Variants in SEPHS1 observed in about 807,000 individuals in gnomAD.
The protein encoded by SEPHS1 is zincore component SEPHS1.
SEPHS1 carries 7 observed loss-of-function variants against 39.2 expected under a neutral mutation model. The observed-to-expected ratio is 0.18, with a 90% confidence interval of 0.10 to 0.34. SEPHS1 has a LOEUF of 0.34. SEPHS1 is among the 10% of genes least tolerant of loss of function. The pLI is 1.00. For synonymous variants in SEPHS1, 190 were observed against 195.5 expected, an observed-to-expected ratio of 0.97 and a Z score of 0.23; for missense variants, 253 against 514.5, an observed-to-expected ratio of 0.49 and a Z score of 4.92.
intron 2 of SEPHS1, among the ~76,000 whole-genome samples, chr10:13,342,890 C>T (rs1392720220): frequency 6.6e-6 from 1 of 152,094 alleles, no homozygotes; most frequent in African/African-American, 2.4e-5. Flanking sequence ...TGTACACCAG[C>T]AAGCCCAGGT....
In SEPHS1 at chr10:13,328,350, C is replaced by A; in HGVS notation, c.751+1G>T. ...CGAAGCGCCCTTCCCACCTGTCATA[C>A]CTGTCCTGTTGAGCCTCGCCATGTT... is the stretch of plus-strand genomic sequence containing the variant. On this transcript the variant is annotated splice_donor_variant, in intron 7 of 8. Transcript: ENST00000327347. LOFTEE classifies it high-confidence loss of function. The A allele has an allele frequency of 6.2e-7, 1 of 1,606,724 alleles. No homozygotes were observed. The highest frequency in any genetic ancestry group is 8.5e-7 in the Non-Finnish European group (1 of 1,173,494).
At chr10:13,342,517 C>T (rs929375654) in intron 2 of SEPHS1, among the ~76,000 whole-genome samples, 1 of 151,912 alleles carries the variant, frequency 6.6e-6, no homozygotes, top group Admixed American at 6.6e-5. Flanking sequence ...ACCTGGGAAG[C>T]GGAGGTTGCA....
chr10:13,329,688 G>T lies in SEPHS1; in HGVS notation c.651+10C>A, dbSNP rs1449652172. ...TCCCCTCCCTCCCATCACAGCAGTG[G>T]TTTACTCACGATATCCAGCCACTGG... On this transcript the variant is annotated intron_variant, in intron 6 of 8. Transcript: ENST00000327347. 1 of 1,591,500 alleles carries T rather than the reference G, an allele frequency of 6.3e-7. No homozygotes were observed. The highest frequency in any genetic ancestry group is 1.8e-5 in the Admixed American group (1 of 56,564).
rs749026563 is a variant in SEPHS1, at chr10:13,323,051, GGA to G, written c.752-6_752-5del. The G allele has an allele frequency of 4.3e-6, 7 of 1,613,382 alleles. No individual in the cohort carries two copies. The highest frequency in any genetic ancestry group is 2.2e-5 in the East Asian group (1 of 44,854). ...AACGTGTGCATGAGTCCTGCAGCTG[GGA>G]GAGAGAGGGGGCGGCTCTGAGAAAA... is the stretch of plus-strand genomic sequence containing the variant. On this transcript the variant is annotated splice_polypyrimidine_tract_variant and splice_region_variant and intron_variant, in intron 7 of 8. Transcript: ENST00000327347.
intron 4 of SEPHS1, among the ~76,000 whole-genome samples, chr10:13,335,980 C>CAAAA (rs1266329760): frequency 3.2e-5 from 3 of 93,450 alleles, no homozygotes; most frequent in Non-Finnish European, 4.1e-5. Context: ...ACTCCTGTCT[C>CAAAA]AAAAAAAAAA....
intron 7 of SEPHS1, among the ~76,000 whole-genome samples, chr10:13,326,420 G>A (rs187513706): frequency 1.3e-5 from 2 of 149,918 alleles, no homozygotes; most frequent in Middle Eastern, 3.5e-3. Flanking sequence ...GTTGCGGTGA[G>A]CCAAGATCCT....
At chr10:13,323,813 C>T (rs2131689273) in intron 7 of SEPHS1, among the ~76,000 whole-genome samples, 1 of 151,190 alleles carries the variant, frequency 6.6e-6, no homozygotes, top group East Asian at 1.9e-4. Context: ...ATGATCATAA[C>T]TCACTGCACT....
chr10:13,341,098 A>G (rs1005715198), intron 2 of SEPHS1, among the ~76,000 whole-genome samples: 1 of 152,248 alleles, frequency 6.6e-6, no homozygotes, highest in African/African-American at 2.4e-5. Context: ...TTTGAAAATT[A>G]CGCATGTGGC....
At position 13,317,642 on chromosome 10, in the gene SEPHS1, C is replaced by G. The variant is rs1408622458; in HGVS notation, c.*1500G>C. On this transcript the variant is annotated 3_prime_UTR_variant, in exon 9 of 9. Transcript: ENST00000327347. ...CACTGGTTCCTGGAGGAGGGCGCGT[C>G]CGAGTTAAAGCCTCTTCCAGGAGCT... 2 of 152,198 alleles carry G rather than the reference C, an allele frequency of 1.3e-5. No individual in the cohort carries two copies. Among genetic ancestry groups the G allele is most frequent in the Non-Finnish European group, 2.9e-5 (2 of 68,048 alleles). The allele number at this position is 152,198 out of a possible 1,614,324, so 9.4% of individuals were successfully genotyped here. A position where few individuals can be genotyped will look rare whatever the true frequency, so the allele number is the denominator to read the frequency against.
intron 7 of SEPHS1, among the ~76,000 whole-genome samples, chr10:13,327,574 G>A (rs898345362): frequency 5.3e-5 from 8 of 152,178 alleles, no homozygotes; most frequent in Admixed American, 5.2e-4. Context: ...TAAAATAAAT[G>A]GGAAGAGAAG....
intron 1 of SEPHS1, among the ~76,000 whole-genome samples, chr10:13,346,584 G>C (rs1004621): frequency 0.035 from 5,346 of 152,178 alleles, 137 homozygotes; most frequent in East Asian, 0.082. Flanking sequence ...GACAAGAGAC[G>C]AGAATTTTGA....
In SEPHS1 at chr10:13,328,444, T is replaced by G; in HGVS notation, c.658A>C (p.Lys220Gln). Residue 220 changes from lysine (K) to glutamine (Q), a missense_variant, in exon 7 of 9, where the codon AAA becomes CAA. Lys to Gln is a moderately conservative substitution (Grantham distance 53). Transcript: ENST00000327347. ...ACCACTAGTTTAATCTTATTCCATT[T>G]CTCAGGCTGATAATAGAAATGTAGG... Reference protein sequence around the residue: ...AVHQWLDIPEKWNKIKLVVTQ... With the variant: ...AVHQWLDIPEQWNKIKLVVTQ... The G allele has an allele frequency of 6.2e-7, 1 of 1,605,982 alleles. No homozygotes were observed. Among genetic ancestry groups the G allele is most frequent in the Non-Finnish European group, 8.5e-7 (1 of 1,173,160 alleles).
chr10:13,327,368 A>G (rs764733053), intron 7 of SEPHS1, among the ~76,000 whole-genome samples: 30 of 152,248 alleles, frequency 2.0e-4, no homozygotes, highest in South Asian at 4.1e-4. Context: ...GAAAACTTAT[A>G]CTAACCACTA....
At chr10:13,328,160 T>C (rs894260936) in intron 7 of SEPHS1, among the ~76,000 whole-genome samples, 191 bp downstream of exon 7, 2 of 151,914 alleles carry the variant, frequency 1.3e-5, no homozygotes, top group Admixed American at 6.6e-5. Context: ...CCTTCTTAAT[T>C]ATAAAGCACT....
chr10:13,335,209 A>G (rs1444737369), intron 4 of SEPHS1, among the ~76,000 whole-genome samples: 1 of 152,240 alleles, frequency 6.6e-6, no homozygotes, highest in East Asian at 1.9e-4. Context: ...GCGATGACAC[A>G]GAGGCGTGAG....
At chr10:13,334,104 A>T (rs1833552551) in intron 4 of SEPHS1, 133 bp from the exon 5 acceptor site, 2 of 813,600 alleles carry the variant, frequency 2.5e-6, no homozygotes, top group Non-Finnish European at 1.9e-6. Flanking sequence ...ACAGACAGGG[A>T]AGGTTGTTAG....
rs550060347 is a variant in SEPHS1, at chr10:13,326,229, A to C, written c.751+2122T>G. ...AGTGGCTCACGCCTGTAATCCCAGT[A>C]CTTTGGGAGGCCGAGACAGGCGGAT... On this transcript the variant is annotated intron_variant, in intron 7 of 8. Coordinates refer to ENST00000327347, the MANE Select transcript of SEPHS1 (RefSeq NM_012247.5). Among the ~76,000 whole-genome samples, 4 of 152,164 alleles carry C rather than the reference A, an allele frequency of 2.6e-5. No individual in the cohort carries two copies. The East Asian group carries it at 7.7e-4, about 29-fold the overall frequency.
chr10:13,322,706 C>A, intron 8 of SEPHS1, 129 bp downstream of exon 8: 6 of 822,012 alleles, frequency 7.3e-6, no homozygotes, highest in Non-Finnish European at 1.2e-5. Flanking sequence ...CCAGCTGCTG[C>A]GGAGGCCGAG....
At chr10:13,321,999 C>A in intron 8 of SEPHS1, 1 of 451,570 alleles carries the variant, frequency 2.2e-6, no homozygotes, top group South Asian at 1.6e-5. Context: ...ATGGCTCTCT[C>A]TACCTACGCT....
Sources: gnomAD v4.1 joint callset for allele counts (sites outside exome capture counted in the v4.1 genomes callset) on GRCh38, gnomAD v4.1.1 for gene constraint, MANE v1.5 for transcripts, NCBI Gene and HGNC (gene_info 2026-07-23, HGNC 2026-07-21) for gene names.